Variants in C14orf132 observed in about 807,000 individuals in gnomAD.
The protein encoded by C14orf132 is uncharacterized protein C14orf132.
C14orf132 carries 6 observed loss-of-function variants against 5.8 expected under a neutral mutation model. That is an observed-to-expected ratio of 1.03 (90% CI 0.57 to 2.04). The LOEUF (loss-of-function observed/expected upper bound fraction) is 2.04, where lower values mean the gene tolerates loss of function less well. C14orf132 is among the 30% of genes most tolerant of loss of function. The pLI, the probability that C14orf132 is intolerant of heterozygous loss-of-function variation, is 0.00. For synonymous variants in C14orf132, 51 were observed against 49.8 expected (o/e 1.02, Z -0.10); for missense variants, 125 against 115.8 (o/e 1.08, Z -0.37).
rs1432881711 is a variant in C14orf132 at position 96,090,472 on chromosome 14, T to C, written c.*3737T>C. ...TGTGAGTGGCCACCACTGAAGGTCTTTGAGAAGAGGCCAGACGCCGCTGTA... is the reference window on the plus strand; with the variant it reads ...TGTGAGTGGCCACCACTGAAGGTCTCTGAGAAGAGGCCAGACGCCGCTGTA... On this transcript the variant is annotated 3_prime_UTR_variant, in exon 2 of 2. Transcript: ENST00000555004. 2.7e-6 allele frequency: 1 copy of C among 365,668 alleles called. No individual in the cohort carries two copies. The highest frequency in any genetic ancestry group is 2.1e-5 in the South Asian group (1 of 47,938). The allele number at this position is 365,668 out of a possible 1,614,324, so 22.7% of individuals were successfully genotyped here.
intron 1 of C14orf132, among the ~76,000 whole-genome samples, chr14:96,055,326 CAGAGTG>C (rs939931427): frequency 2.0e-5 from 3 of 152,126 alleles, no homozygotes; most frequent in African/African-American, 7.2e-5. Flanking sequence ...GCCTTTGCCT[CAGAGTG>C]AGAGATATAA....
chr14:96,086,047 A>G (rs1258745792), intron 1 of C14orf132, among the ~76,000 whole-genome samples: 1 of 152,166 alleles, frequency 6.6e-6, no homozygotes, highest in African/African-American at 2.4e-5. Flanking sequence ...AAAACCATCA[A>G]AATGTTAGCA....
At chr14:96,047,820 C>A (rs1886873134) in intron 1 of C14orf132, among the ~76,000 whole-genome samples, 1 of 152,192 alleles carries the variant, frequency 6.6e-6, no homozygotes, top group Non-Finnish European at 1.5e-5. Context: ...TCATGCACAG[C>A]CTCTTCCACC....
At chr14:96,083,899 C>G (rs1288459709) in intron 1 of C14orf132, among the ~76,000 whole-genome samples, 1 of 152,118 alleles carries the variant, frequency 6.6e-6, no homozygotes, top group East Asian at 1.9e-4. Flanking sequence ...TCACCCTGAC[C>G]CGTTTGGCAG....
chr14:96,064,692 G>T (rs1221721592), intron 1 of C14orf132, among the ~76,000 whole-genome samples: 1 of 151,700 alleles, frequency 6.6e-6, no homozygotes, highest in Non-Finnish European at 1.5e-5. Flanking sequence ...GGAAGAGGGG[G>T]CATAAAAGAC....
rs1355933481 is a variant in C14orf132, at chr14:96,086,750, G to T, written c.*15G>T. On this transcript the variant is annotated 3_prime_UTR_variant, in exon 2 of 2. Coordinates refer to ENST00000555004, the MANE Select transcript of C14orf132 (RefSeq NM_001252507.3). ...TCACCTTCTGAGGACGGCACACCCT[G>T]CACCACCATGGGGTGAGGCTTGGCA... 3 of 1,534,710 alleles carry T rather than the reference G, an allele frequency of 2.0e-6. No homozygotes were observed. The South Asian group carries it at 3.6e-5, about 18-fold the overall frequency.
At chr14:96,080,386 G>A (rs987561747) in intron 1 of C14orf132, among the ~76,000 whole-genome samples, 17 of 152,158 alleles carry the variant, frequency 1.1e-4, no homozygotes, top group Non-Finnish European at 2.2e-4. Flanking sequence ...ACTGTTCGAG[G>A]CCAGGTTGCT....
At chr14:96,064,363 T>TACACAC (rs148402921) in intron 1 of C14orf132, among the ~76,000 whole-genome samples, 2,573 of 135,820 alleles carry the variant, frequency 0.019, 40 homozygotes, top group African/African-American at 0.047. Context: ...GGTGCATATA[T>TACACAC]ACACACACAC....
chr14:96,039,623 C>G lies in C14orf132; in HGVS notation c.27+96C>G. 1 of 1,242,364 alleles carries G rather than the reference C, an allele frequency of 8.0e-7. No homozygotes were observed. The highest frequency in any genetic ancestry group is 1.1e-6 in the Non-Finnish European group (1 of 945,298). 77.0% of individuals were successfully genotyped at this position (1,242,364 alleles called of 1,614,324 possible). On this transcript the variant is annotated intron_variant, in intron 1 of 1. Transcript: ENST00000555004. The surrounding 1 kb of genome is among the most constrained non-coding windows in gnomAD (Gnocchi z 5.3). ...TCCACGCTGGGGCTGGGCAGTGGCG[C>G]CCGCCCGCGATCCGCGTCCCGGTCC...
At chr14:96,073,832 A>G (rs1887782063) in intron 1 of C14orf132, among the ~76,000 whole-genome samples, 1 of 152,258 alleles carries the variant, frequency 6.6e-6, no homozygotes, top group African/African-American at 2.4e-5. Flanking sequence ...TGTGGTACAT[A>G]TATGCCATGG....
At chr14:96,079,605 G>T (rs1223726393) in intron 1 of C14orf132, among the ~76,000 whole-genome samples, 1 of 152,036 alleles carries the variant, frequency 6.6e-6, no homozygotes, top group Non-Finnish European at 1.5e-5. Context: ...TTTGGTATTT[G>T]TTGAATGAAT....
chr14:96,066,771 A>G (rs1595180502), intron 1 of C14orf132, among the ~76,000 whole-genome samples: 1 of 152,186 alleles, frequency 6.6e-6, no homozygotes, highest in Non-Finnish European at 1.5e-5. Flanking sequence ...GTAACATAAC[A>G]TAATATATTG....
At chr14:96,081,737 C>T (rs144200383) in intron 1 of C14orf132, among the ~76,000 whole-genome samples, 2 of 152,054 alleles carry the variant, frequency 1.3e-5, no homozygotes, top group Non-Finnish European at 2.9e-5. Context: ...TAGCTGGGAC[C>T]ACAAGTGTGC....
At chr14:96,083,418 G>A (rs182339053) in intron 1 of C14orf132, among the ~76,000 whole-genome samples, 41 of 152,272 alleles carry the variant, frequency 2.7e-4, no homozygotes, top group African/African-American at 8.9e-4. Flanking sequence ...CCTGTGGATG[G>A]ATTACCGTTC....
intron 1 of C14orf132, among the ~76,000 whole-genome samples, chr14:96,049,653 T>TATATAGAGAGAGAG (rs371381526): frequency 2.4e-5 from 2 of 82,282 alleles, no homozygotes; most frequent in Non-Finnish European, 4.9e-5. Context: ...TATATATATA[T>TATATAGAGAGAGAG]AGAGAGAGAG....
At chr14:96,068,743 T>G (rs566226250) in intron 1 of C14orf132, among the ~76,000 whole-genome samples, 1 of 152,262 alleles carries the variant, frequency 6.6e-6, no homozygotes, top group East Asian at 1.9e-4. Flanking sequence ...TGTGCTGTGC[T>G]CCAGGGGCTG....
Position 96,089,711 on chromosome 14 carries a change from A to G in C14orf132, c.*2976A>G, listed in dbSNP as rs986812853. 2 of 152,210 alleles carry G rather than the reference A, an allele frequency of 1.3e-5. No individual in the cohort carries two copies. Among genetic ancestry groups the G allele is most frequent in the African/African-American group, 4.8e-5 (2 of 41,436 alleles). 9.4% of individuals were successfully genotyped at this position (152,210 alleles called of 1,614,324 possible). On this transcript the variant is annotated 3_prime_UTR_variant, in exon 2 of 2. Transcript: ENST00000555004. ...TCCCCAAGGCCTGCCCCCTTCTTTAAGACTGAACTCAAGTCTCCTTGGAAG... is the reference window on the plus strand; with the variant it reads ...TCCCCAAGGCCTGCCCCCTTCTTTAGGACTGAACTCAAGTCTCCTTGGAAG...
At chr14:96,046,066 A>C (rs1886825032) in intron 1 of C14orf132, among the ~76,000 whole-genome samples, 1 of 152,210 alleles carries the variant, frequency 6.6e-6, no homozygotes, top group African/African-American at 2.4e-5. Context: ...CTCTTCTTGC[A>C]TGGTGCTGGC....
chr14:96,090,390 CA>C lies in C14orf132; in HGVS notation c.*3670del, dbSNP rs35138535. The C allele has an allele frequency of 0.092, 18,088 of 195,636 alleles. No homozygotes were observed. The highest frequency in any genetic ancestry group is 0.14 in the South Asian group (3,188 of 22,612). 12.1% of individuals were successfully genotyped at this position (195,636 alleles called of 1,614,324 possible). ...TGGGCAACAGAACGAGACTCTGTCTCAAAAAAAAAAAAAAAGAAAAGAAAAA... is the reference window on the plus strand; with the variant it reads ...TGGGCAACAGAACGAGACTCTGTCTCAAAAAAAAAAAAAAGAAAAGAAAAA... On this transcript the variant is annotated 3_prime_UTR_variant, in exon 2 of 2. Coordinates refer to ENST00000555004, the MANE Select transcript of C14orf132 (RefSeq NM_001252507.3).
Sources: allele counts gnomAD v4.1 joint callset (sites outside exome capture counted in the v4.1 genomes callset), GRCh38; gene constraint gnomAD v4.1.1; non-coding constraint Gnocchi (gnomAD v3.1); transcripts MANE v1.5; gene names NCBI Gene and HGNC (gene_info 2026-07-23, HGNC 2026-07-21).